The following UTS2 variants were observed in gnomAD, a reference collection of about 807,000 sequenced individuals.
UTS2 encodes the protein urotensin-2.
UTS2 carries 10 observed loss-of-function variants against 12.6 expected under a neutral mutation model. The ratio of observed to expected loss-of-function variants is 0.80; its 90% CI spans 0.49 to 1.35. UTS2 has a LOEUF of 1.35. UTS2 is among the 40% of genes most tolerant of loss of function. The pLI, the probability that UTS2 is intolerant of heterozygous loss-of-function variation, is 0.00. For missense variants in UTS2, 142 were observed against 143.2 expected (o/e 0.99, Z 0.04); for synonymous variants, 52 against 50.0 (o/e 1.04, Z -0.17).
intron 2 of UTS2, among the ~76,000 whole-genome samples, chr1:7,850,404 T>C (rs973504935): frequency 1.3e-5 from 2 of 152,212 alleles, no homozygotes; most frequent in African/African-American, 4.8e-5. Flanking sequence ...CCTTGACTCA[T>C]TGACTCTTCA....
chr1:7,863,733 C>T, the UTS2 span, among the ~76,000 whole-genome samples: 66 of 152,200 alleles, frequency 4.3e-4, 1 homozygote, highest in Admixed American at 1.3e-4. Flanking sequence ...CCAAATTTAA[C>T]GTCTAGTTAT....
chr1:7,853,722 G>T (rs958852943), upstream of UTS2, among the ~76,000 whole-genome samples: 6 of 152,206 alleles, frequency 3.9e-5, no homozygotes, highest in African/African-American at 1.4e-4. Flanking sequence ...AAAACTCGCT[G>T]ATAAACATTT....
intron 3 of UTS2, 146 bp from the exon 4 acceptor site, chr1:7,848,028 C>T (rs757140001): frequency 1.2e-5 from 8 of 644,332 alleles, no homozygotes; most frequent in Non-Finnish European, 2.1e-5. Context: ...ATAATTGTAA[C>T]AAGAGTGTCC....
chr1:7,878,514 G>C, the UTS2 span, among the ~76,000 whole-genome samples: 7 of 152,244 alleles, frequency 4.6e-5, no homozygotes, highest in East Asian at 1.3e-3. Flanking sequence ...ATTTTAAAAT[G>C]ACGAAAATAA....
the UTS2 span, among the ~76,000 whole-genome samples, chr1:7,908,810 T>TC: frequency 1.3e-5 from 1 of 75,302 alleles, no homozygotes; most frequent in African/African-American, 3.2e-5. Context: ...AAGGCACAAT[T>TC]TTTTTTTTTT....
the UTS2 span, among the ~76,000 whole-genome samples, chr1:7,897,681 G>C: frequency 6.6e-6 from 1 of 152,228 alleles, no homozygotes; most frequent in East Asian, 1.9e-4. Context: ...CCACCGCCCA[G>C]GTTCAAGCAA....
At chr1:7,856,512 G>A (rs1489343329), upstream of UTS2, among the ~76,000 whole-genome samples, 1 of 57,894 alleles carries the variant, frequency 1.7e-5, no homozygotes, top group Non-Finnish European at 3.9e-5. Context: ...AGAAGTCGGG[G>A]AAGCGTGGCC....
At chr1:7,872,337 A>G in the UTS2 span, among the ~76,000 whole-genome samples, 3,456 of 136,654 alleles carry the variant, frequency 0.025, 152 homozygotes, top group East Asian at 0.27. Context: ...AAAAAAAAAG[A>G]AAAAGAAAAA....
At chr1:7,862,149 G>A in the UTS2 span, among the ~76,000 whole-genome samples, 2 of 151,766 alleles carry the variant, frequency 1.3e-5, no homozygotes, top group African/African-American at 4.8e-5. Flanking sequence ...CTGACCTCAG[G>A]TGATTCCCCC....
At chr1:7,902,359 C>T in the UTS2 span, among the ~76,000 whole-genome samples, 8 of 152,066 alleles carry the variant, frequency 5.3e-5, no homozygotes, top group Admixed American at 2.0e-4. Flanking sequence ...TGGGGGAAAG[C>T]GGGAAGTCGG....
chr1:7,907,818 A>G, the UTS2 span, among the ~76,000 whole-genome samples: 1 of 152,166 alleles, frequency 6.6e-6, no homozygotes, highest in Non-Finnish European at 1.5e-5. Context: ...CTTCCGGAAT[A>G]CTAAGTTTTC....
chr1:7,886,755 G>C, the UTS2 span, among the ~76,000 whole-genome samples: 892 of 152,088 alleles, frequency 5.9e-3, 12 homozygotes, highest in African/African-American at 0.021. Flanking sequence ...AATAATCAGA[G>C]GGGGAAAAAA....
upstream of UTS2, among the ~76,000 whole-genome samples, chr1:7,854,254 G>C (rs928083306): frequency 4.6e-5 from 7 of 151,674 alleles, no homozygotes; most frequent in African/African-American, 1.7e-4. Flanking sequence ...TGAGGCAGGA[G>C]AATTGCTTGA....
chr1:7,886,179 G>C, the UTS2 span, among the ~76,000 whole-genome samples: 12 of 152,090 alleles, frequency 7.9e-5, no homozygotes, highest in African/African-American at 1.7e-4. Context: ...CTCCCCGGGA[G>C]GGGGGAGGGC....
chr1:7,910,755 C>T, the UTS2 span, among the ~76,000 whole-genome samples: 1 of 152,120 alleles, frequency 6.6e-6, no homozygotes, highest in African/African-American at 2.4e-5. Flanking sequence ...CAGACAGGGA[C>T]TTGCTCTGTC....
the UTS2 span, among the ~76,000 whole-genome samples, chr1:7,903,130 C>CCTTTTTTTAATTAT: frequency 3.3e-3 from 111 of 33,524 alleles, 6 homozygotes; most frequent in Admixed American, 7.0e-3. Context: ...TCCCCTCCTT[C>CCTTTTTTTAATTAT]TCCTGCTTCC....
upstream of UTS2, among the ~76,000 whole-genome samples, chr1:7,856,514 A>C (rs1157105855): frequency 6.6e-6 from 1 of 152,336 alleles, no homozygotes; most frequent in East Asian, 1.9e-4. Context: ...AAGTCGGGGA[A>C]GCGTGGCCTC....
the UTS2 span, among the ~76,000 whole-genome samples, chr1:7,906,678 T>C: frequency 6.6e-6 from 1 of 152,022 alleles, no homozygotes; most frequent in African/African-American, 2.4e-5. Flanking sequence ...GCACCATGAA[T>C]GCCAATATCA....
the UTS2 span, among the ~76,000 whole-genome samples, chr1:7,863,949 G>A: frequency 4.6e-5 from 7 of 152,196 alleles, no homozygotes; most frequent in South Asian, 2.1e-4. Context: ...CCCTCTCCAC[G>A]TGGCCTCATC....
Sources: allele counts gnomAD v4.1 joint callset (sites outside exome capture counted in the v4.1 genomes callset), GRCh38; gene constraint gnomAD v4.1.1; transcripts MANE v1.5; gene names NCBI Gene and HGNC (gene_info 2026-07-23, HGNC 2026-07-21).